The following DLGAP1 variants were observed in gnomAD, a reference collection of about 807,000 sequenced individuals.
The protein encoded by DLGAP1 is disks large-associated protein 1.
Under a neutral mutation model 90.8 loss-of-function variants are expected in DLGAP1, and 11 were observed. The ratio of observed to expected loss-of-function variants is 0.12; its 90% CI spans 0.08 to 0.20. The LOEUF (loss-of-function observed/expected upper bound fraction) is 0.20, where lower values mean the gene tolerates loss of function less well. Among genes scored for constraint, DLGAP1 ranks in the 10% least tolerant of loss-of-function variants. DLGAP1 has a pLI of 1.00. For missense variants in DLGAP1, 1,050 were observed against 1,333.8 expected, an observed-to-expected ratio of 0.79 and a Z score of 3.31; for synonymous variants, 558 against 540.7, an observed-to-expected ratio of 1.03 and a Z score of -0.44.
chr18:4,015,295 C>G (rs752207063), intron 2 of DLGAP1, among the ~76,000 whole-genome samples: 13 of 152,106 alleles, frequency 8.5e-5, no homozygotes, highest in Non-Finnish European at 1.5e-4. Flanking sequence ...CATCTCTAAT[C>G]AATTGGTAGT....
intron 2 of DLGAP1, among the ~76,000 whole-genome samples, chr18:4,037,859 C>T (rs1453632043): frequency 6.6e-6 from 1 of 152,186 alleles, no homozygotes; most frequent in Admixed American, 6.5e-5. Flanking sequence ...ACTCGGGAGG[C>T]TGAGGCTGGA....
intron 7 of DLGAP1, among the ~76,000 whole-genome samples, chr18:3,691,098 G>A (rs1383124936): frequency 6.6e-6 from 1 of 152,174 alleles, no homozygotes; most frequent in African/African-American, 2.4e-5. Flanking sequence ...CTCAGGCCAG[G>A]TGATTTCCGT....
rs138531445 is a variant in DLGAP1 at position 4,209,513 on chromosome 18, G to C, written c.-266-58226C>G. ...TGTTTGAGTCATTGAAACGGATACAGCTATCACGCATTTGAGGTATATACT... is the reference window on the plus strand; with the variant it reads ...TGTTTGAGTCATTGAAACGGATACACCTATCACGCATTTGAGGTATATACT... On this transcript the variant is annotated intron_variant, in intron 1 of 12. Transcript: ENST00000315677. Among the ~76,000 whole-genome samples, 771 of 152,208 alleles carry C rather than the reference G, an allele frequency of 5.1e-3. 7 individuals are homozygous for C. Among genetic ancestry groups the C allele is most frequent in the African/African-American group, 0.018 (732 of 41,540 alleles).
At chr18:3,950,321 T>C (rs968124554) in intron 3 of DLGAP1, among the ~76,000 whole-genome samples, 2 of 152,240 alleles carry the variant, frequency 1.3e-5, no homozygotes, top group Admixed American at 1.3e-4. Context: ...TCCTACCTGG[T>C]TAACACCTCT....
chr18:4,082,584 C>A (rs2075626979), intron 2 of DLGAP1, among the ~76,000 whole-genome samples: 1 of 148,056 alleles, frequency 6.8e-6, no homozygotes, highest in African/African-American at 2.5e-5. Flanking sequence ...GGTAATCATT[C>A]AGCGATCCAC....
At chr18:4,125,369 T>C (rs2076216890) in intron 2 of DLGAP1, among the ~76,000 whole-genome samples, 1 of 152,208 alleles carries the variant, frequency 6.6e-6, no homozygotes, top group African/African-American at 2.4e-5. Flanking sequence ...AATGGATGCC[T>C]GAGCTGAGTC....
At chr18:3,619,696 T>C (rs2058023436) in intron 7 of DLGAP1, among the ~76,000 whole-genome samples, 1 of 151,894 alleles carries the variant, frequency 6.6e-6, no homozygotes, top group Non-Finnish European at 1.5e-5. Flanking sequence ...TGGCTTTACC[T>C]TCTGACTTAG....
At chr18:3,816,591 A>C (rs946790424) in intron 4 of DLGAP1, among the ~76,000 whole-genome samples, 6 of 152,196 alleles carry the variant, frequency 3.9e-5, no homozygotes, top group Non-Finnish European at 8.8e-5. Flanking sequence ...TTATTTAATA[A>C]ATTCTTATAT....
chr18:3,536,621 C>T (rs979614693), intron 9 of DLGAP1, among the ~76,000 whole-genome samples: 22 of 152,204 alleles, frequency 1.4e-4, no homozygotes, highest in Admixed American at 7.2e-4. Flanking sequence ...AAGCCTTGGG[C>T]GCAAACATCA....
At chr18:3,929,849 T>C (rs1227817772) in intron 3 of DLGAP1, among the ~76,000 whole-genome samples, 3 of 152,236 alleles carry the variant, frequency 2.0e-5, no homozygotes, top group Non-Finnish European at 4.4e-5. Flanking sequence ...TAGATAAATA[T>C]TTGTACATGC....
chr18:3,785,116 C>T (rs2065384092), intron 5 of DLGAP1, among the ~76,000 whole-genome samples: 1 of 152,178 alleles, frequency 6.6e-6, no homozygotes, highest in Non-Finnish European at 1.5e-5. Flanking sequence ...TGTGCTCCCA[C>T]TGATGGAAGT....
chr18:4,223,096 G>T (rs888056775), intron 1 of DLGAP1, among the ~76,000 whole-genome samples: 6 of 151,844 alleles, frequency 4.0e-5, no homozygotes, highest in East Asian at 1.9e-4. Flanking sequence ...GTCTCTCTAA[G>T]AAAATAAAAT....
At chr18:4,442,396 TATTA>T (rs2083558257) in intron 1 of DLGAP1, among the ~76,000 whole-genome samples, 1 of 152,236 alleles carries the variant, frequency 6.6e-6, no homozygotes, top group Non-Finnish European at 1.5e-5. Flanking sequence ...ATATACTCAC[TATTA>T]TTTATTACTA....
At chr18:3,658,357 T>C (rs1029699930) in intron 7 of DLGAP1, among the ~76,000 whole-genome samples, 6 of 152,214 alleles carry the variant, frequency 3.9e-5, no homozygotes, top group Admixed American at 6.5e-5. Context: ...GTCTGGCTCT[T>C]GCAAGCTGGT....
chr18:4,436,001 A>T (rs1282325343), intron 1 of DLGAP1, among the ~76,000 whole-genome samples: 1 of 152,196 alleles, frequency 6.6e-6, no homozygotes, highest in East Asian at 1.9e-4. Flanking sequence ...AGGAAAAGTG[A>T]TGAGAACTAT....
chr18:3,612,367 G>A (rs866272214), intron 7 of DLGAP1, among the ~76,000 whole-genome samples: 6 of 152,178 alleles, frequency 3.9e-5, no homozygotes, highest in African/African-American at 1.4e-4. Context: ...TATGGGAAAT[G>A]CTCAGTGTAT....
At chr18:3,587,248 T>A (rs2055941126) in intron 7 of DLGAP1, among the ~76,000 whole-genome samples, 1 of 151,988 alleles carries the variant, frequency 6.6e-6, no homozygotes, top group Non-Finnish European at 1.5e-5. Flanking sequence ...AGAGACAGAG[T>A]TTCACCATGT....
At chr18:3,698,921 G>A (rs965818688) in intron 7 of DLGAP1, among the ~76,000 whole-genome samples, 3 of 151,470 alleles carry the variant, frequency 2.0e-5, no homozygotes, top group Admixed American at 6.6e-5. Flanking sequence ...CCTTTCTTCC[G>A]CTTGATCGAT....
chr18:4,268,655 G>T (rs912152510), intron 1 of DLGAP1, among the ~76,000 whole-genome samples: 1 of 151,934 alleles, frequency 6.6e-6, no homozygotes, highest in African/African-American at 2.4e-5. Flanking sequence ...AGAATTGTTA[G>T]GTTTCTATAA....
Sources: allele counts gnomAD v4.1 joint callset (sites outside exome capture counted in the v4.1 genomes callset), GRCh38; gene constraint gnomAD v4.1.1; transcripts MANE v1.5; gene names NCBI Gene and HGNC (gene_info 2026-07-23, HGNC 2026-07-21).